The following NR4A3 variants were observed in gnomAD, a reference collection of about 807,000 sequenced individuals.
The protein encoded by NR4A3 is chondrosarcoma, extraskeletal myxoid, fused to EWS.
In NR4A3, 13 loss-of-function variants were observed where a neutral mutation model predicts 55.6. That is an observed-to-expected ratio of 0.23 (90% confidence interval 0.15 to 0.37). NR4A3 has a LOEUF of 0.37. NR4A3 is among the 10% of genes least tolerant of loss of function. The pLI is 1.00. For missense variants in NR4A3, 646 were observed against 822.8 expected (o/e 0.79, Z 2.63); for synonymous variants, 342 against 357.9 (o/e 0.96, Z 0.50).
chr9:99,841,279 G>A (rs1191916750), intron 5 of NR4A3, among the ~76,000 whole-genome samples: 2 of 150,540 alleles, frequency 1.3e-5, no homozygotes, highest in Admixed American at 6.6e-5. Flanking sequence ...CTATGACATA[G>A]GATCGTGCCG....
intron 1 of NR4A3, among the ~76,000 whole-genome samples, chr9:99,823,114 C>T (rs1827215004): frequency 1.3e-5 from 2 of 152,220 alleles, no homozygotes; most frequent in African/African-American, 4.8e-5. Flanking sequence ...TGGCGACTCC[C>T]GCACACTGAC....
At chr9:99,843,710 C>G (rs150835234) in intron 5 of NR4A3, among the ~76,000 whole-genome samples, 1 of 151,740 alleles carries the variant, frequency 6.6e-6, no homozygotes, top group Non-Finnish European at 1.5e-5. Context: ...TGTGTCTACC[C>G]CCAGAGTTTC....
intron 5 of NR4A3, among the ~76,000 whole-genome samples, chr9:99,843,170 C>T (rs1587880965): frequency 6.6e-6 from 1 of 152,206 alleles, no homozygotes; most frequent in African/African-American, 2.4e-5. Flanking sequence ...CTACTTATAT[C>T]GTTCTGCTCT....
At chr9:99,841,829 G>A (rs1042767169) in intron 5 of NR4A3, among the ~76,000 whole-genome samples, 2 of 152,126 alleles carry the variant, frequency 1.3e-5, no homozygotes, top group Admixed American at 1.3e-4. Context: ...AATTAGATGG[G>A]CGTGGTGGTT....
chr9:99,866,493 G>T lies in NR4A3; in HGVS notation c.*2626G>T, dbSNP rs1181759688. On this transcript the variant is annotated 3_prime_UTR_variant, in exon 8 of 8. Transcript: ENST00000395097. The stretch of plus-strand genomic sequence containing the variant: ...GTGCTAAAAATAAAGATGATAGCAT[G>T]TTCTTCTGTCTTCCATAGTTATTAC... 5.7e-5 allele frequency: 13 copies of T among 228,064 alleles called. No homozygotes were observed. Among genetic ancestry groups the T allele is most frequent in the African/African-American group, 2.4e-4 (11 of 45,048 alleles). The allele number at this position is 228,064 out of a possible 1,614,324, so 14.1% of individuals were successfully genotyped here. A position where few individuals can be genotyped will look rare whatever the true frequency, so the allele number is the denominator to read the frequency against.
intron 1 of NR4A3, among the ~76,000 whole-genome samples, chr9:99,824,987 C>T (rs1827266696): frequency 6.6e-6 from 1 of 152,232 alleles, no homozygotes; most frequent in Admixed American, 6.5e-5. Flanking sequence ...TAACGCCGTC[C>T]GCTTCGTCCC....
intron 5 of NR4A3, among the ~76,000 whole-genome samples, chr9:99,840,337 C>A (rs567267649): frequency 6.6e-6 from 1 of 152,170 alleles, no homozygotes; most frequent in Non-Finnish European, 1.5e-5. Flanking sequence ...TGCAGAGGAC[C>A]CTGGGTGAAA....
rs201656934 is a variant in NR4A3, at chr9:99,828,062, A to G, written c.20A>G (p.Gln7Arg). ...GCAGATATGCCCTGCGTCCAAGCCC[A>G]ATATAGCCCTTCCCCTCCAGGTTCC... MPCVQA[Q>R]YSPSPPGSSY... The change falls in exon 3 of 8, where the codon CAA becomes CGA. Residue 7 changes from glutamine to arginine, a missense_variant. This residue lies in a region of NR4A3 where 426 missense variants were observed against 429.4 expected (regional missense o/e 0.99). Transcript: ENST00000395097. The surrounding 1 kb of genome is among the most constrained non-coding windows in gnomAD (Gnocchi z 7.7). The G allele has an allele frequency of 5.6e-6, 9 of 1,613,920 alleles. No individual in the cohort carries two copies. In the East Asian group the frequency reaches 1.6e-4, roughly 28 times the overall value.
chr9:99,848,497 A>T (rs1180767386), intron 7 of NR4A3, among the ~76,000 whole-genome samples: 1 of 152,090 alleles, frequency 6.6e-6, no homozygotes, highest in Non-Finnish European at 1.5e-5. Flanking sequence ...GGTACCTGCC[A>T]CCATGCCCGG....
chr9:99,837,400 G>T (rs1827575910), intron 5 of NR4A3, among the ~76,000 whole-genome samples: 1 of 152,016 alleles, frequency 6.6e-6, no homozygotes, highest in Non-Finnish European at 1.5e-5. Flanking sequence ...GGTTTAAAGG[G>T]GTTAACTGGC....
chr9:99,825,013 A>C lies in NR4A3; in HGVS notation c.-176-646A>C, dbSNP rs550006287. ...GCTTCGTCCCCTTGCTTCCAGCGCC[A>C]GCCTTCTCATCGCTGTGCCCTTTTG... On this transcript the variant is annotated intron_variant, in intron 1 of 7. Transcript: ENST00000395097. The surrounding 1 kb of genome is among the most constrained non-coding windows in gnomAD (Gnocchi z 5.0). Among the ~76,000 whole-genome samples, 1 of 152,298 alleles carries C rather than the reference A, an allele frequency of 6.6e-6. No individual in the cohort carries two copies. Among genetic ancestry groups the C allele is most frequent in the African/African-American group, 2.4e-5 (1 of 41,572 alleles).
chr9:99,849,436 T>C (rs909425008), intron 7 of NR4A3, among the ~76,000 whole-genome samples: 10 of 151,998 alleles, frequency 6.6e-5, no homozygotes, highest in African/African-American at 2.4e-4. Flanking sequence ...TCAAAGAGTA[T>C]GGATTCCATT....
Position 99,822,599 on chromosome 9 carries a change from G to A in NR4A3, c.-177+192G>A, listed in dbSNP as rs909164562. On this transcript the variant is annotated intron_variant, in intron 1 of 7. Transcript: ENST00000395097. This position sits in a 1 kb window ranked among gnomAD's most constrained non-coding sequence, Gnocchi z 4.9. ...ACTTTTCCCCTGTAGTGGGCCCGCGGGGATCTCTGGAGCTCGTGGGATTCC... is the reference window on the plus strand; with the variant it reads ...ACTTTTCCCCTGTAGTGGGCCCGCGAGGATCTCTGGAGCTCGTGGGATTCC... 1.3e-5 allele frequency among the ~76,000 whole-genome samples: 2 copies of A among 152,208 alleles called. No homozygotes were observed. Among genetic ancestry groups the A allele is most frequent in the African/African-American group, 4.8e-5 (2 of 41,454 alleles).
chr9:99,828,566 C>G lies in NR4A3; in HGVS notation c.524C>G (p.Pro175Arg), dbSNP rs771329950. 8.3e-6 allele frequency: 13 copies of G among 1,568,942 alleles called. No homozygotes were observed. The Middle Eastern group carries it at 1.4e-3, about 169-fold the overall frequency. ...ATCGCACCCGGCCCGCTGCTGGACC[C>G]GCCGATGAAGGCGGTCCCCACGGTG... ...GCIAPGPLLD[P>R]PMKAVPTVAG... Residue 175 changes from proline to arginine, a missense_variant, in exon 3 of 8, where the codon CCG becomes CGG. Transcript: ENST00000395097. The surrounding 1 kb of genome is among the most constrained non-coding windows in gnomAD (Gnocchi z 7.7).
Position 99,863,670 on chromosome 9 carries a change from A to T in NR4A3, c.1684A>T (p.Ile562Phe). The T allele has an allele frequency of 6.2e-7, 1 of 1,614,026 alleles. No homozygotes were observed. The highest frequency in any genetic ancestry group is 8.5e-7 in the Non-Finnish European group (1 of 1,179,958). Reference sequence around the variant, plus strand: ...GAGAGTCGAAGAGCTATGCAACAAGATCACAAGCAGTTTAAAAGACCACCA... The same window carrying T: ...GAGAGTCGAAGAGCTATGCAACAAGTTCACAAGCAGTTTAAAAGACCACCA... ...PKRVEELCNK[I>F]TSSLKDHQSK... The change falls in exon 8 of 8, where the codon ATC becomes TTC. Residue 562 changes from isoleucine to phenylalanine, a missense_variant. By Grantham distance (21) the Ile-to-Phe change is conservative (BLOSUM62 0). Transcript: ENST00000395097.
intron 5 of NR4A3, among the ~76,000 whole-genome samples, chr9:99,837,916 G>T (rs1827589067): frequency 6.6e-6 from 1 of 152,130 alleles, no homozygotes; most frequent in South Asian, 2.1e-4. Flanking sequence ...GGAGGTGGAG[G>T]GGTTTTGTTC....
chr9:99,828,307 G>C lies in NR4A3; in HGVS notation c.265G>C (p.Gly89Arg). 1 of 1,613,216 alleles carries C rather than the reference G, an allele frequency of 6.2e-7. No individual in the cohort carries two copies. Among genetic ancestry groups the C allele is most frequent in the Non-Finnish European group, 8.5e-7 (1 of 1,179,798 alleles). ...GCGGCCCTTGATCAAAGTGGAGGAG[G>C]GGCGGGCGCCCAGCTACCATCACCA... is the stretch of plus-strand genomic sequence containing the variant. ...MQRPLIKVEE[G>R]RAPSYHHHHH... The change falls in exon 3 of 8, where the codon GGG becomes CGG. Residue 89 changes from glycine to arginine, a missense_variant. Transcript: ENST00000395097. The surrounding 1 kb of genome is among the most constrained non-coding windows in gnomAD (Gnocchi z 7.7).
At chr9:99,823,147 T>TC (rs1827215436) in intron 1 of NR4A3, among the ~76,000 whole-genome samples, 2 of 152,162 alleles carry the variant, frequency 1.3e-5, no homozygotes, top group Admixed American at 1.3e-4. Flanking sequence ...GGTGTCCCTC[T>TC]CCTCTGGACG....
rs747677607 is a variant in NR4A3 at position 99,863,883 on chromosome 9, C to A, written c.*16C>A. The A allele has an allele frequency of 2.5e-6, 4 of 1,604,690 alleles. No homozygotes were observed. Among genetic ancestry groups the A allele is most frequent in the Non-Finnish European group, 2.6e-6 (3 of 1,174,536 alleles). On this transcript the variant is annotated 3_prime_UTR_variant, in exon 8 of 8. Transcript: ENST00000395097. ...ACCTTTCTAATCAGGAGCAGTGGAG[C>A]AGTGAGCTGCCTCCTCTCCTAGCAC...
Sources: allele counts gnomAD v4.1 joint callset (sites outside exome capture counted in the v4.1 genomes callset), GRCh38; gene constraint gnomAD v4.1.1; regional missense constraint gnomAD v4.1.1; non-coding constraint Gnocchi (gnomAD v3.1); transcripts MANE v1.5; gene names NCBI Gene and HGNC (gene_info 2026-07-23, HGNC 2026-07-21).